The following CDCA2 variants were observed in gnomAD, a reference collection of about 807,000 sequenced individuals.
CDCA2 encodes cell division cycle-associated protein 2.
CDCA2 carries 44 observed loss-of-function variants against 67.0 expected under a neutral mutation model. The ratio of observed to expected loss-of-function variants is 0.66; its 90% CI spans 0.52 to 0.84. The LOEUF is 0.84. Ranked by LOEUF, CDCA2 falls within the 40% of genes least tolerant of loss-of-function variation. The pLI, the probability that CDCA2 is intolerant of heterozygous loss-of-function variation, is 0.00. For synonymous variants in CDCA2, 447 were observed against 418.7 expected (o/e 1.07, Z -0.82); for missense variants, 1,253 against 1,203.2 (o/e 1.04, Z -0.61).
intron 13 of CDCA2, among the ~76,000 whole-genome samples, chr8:25,500,125 T>C (rs1250746191): frequency 6.6e-6 from 1 of 152,200 alleles, no homozygotes; most frequent in Non-Finnish European, 1.5e-5. Context: ...AAATTTTATG[T>C]AAGCTTAACT....
At chr8:25,475,131 CTG>C (rs1393537898) in intron 7 of CDCA2, among the ~76,000 whole-genome samples, 1 of 152,154 alleles carries the variant, frequency 6.6e-6, no homozygotes, top group Non-Finnish European at 1.5e-5. Flanking sequence ...AATCCAAACT[CTG>C]AAAATTTTTG....
chr8:25,483,351 T>A, intron 8 of CDCA2, 48 bp from the exon 9 acceptor site: 1 of 1,246,294 alleles, frequency 8.0e-7, no homozygotes, highest in Non-Finnish European at 1.1e-6. Context: ...TGATGACGTC[T>A]ATGTATTTCT....
At chr8:25,499,907 G>A (rs1451460404) in intron 13 of CDCA2, among the ~76,000 whole-genome samples, 5 of 152,134 alleles carry the variant, frequency 3.3e-5, no homozygotes, top group Non-Finnish European at 7.4e-5. Context: ...TTTGTACTGT[G>A]GTGAATTCAG....
chr8:25,489,036 A>G (rs148041282), intron 13 of CDCA2, among the ~76,000 whole-genome samples: 1 of 152,074 alleles, frequency 6.6e-6, no homozygotes, highest in African/African-American at 2.4e-5. Flanking sequence ...GCCGCTTGCT[A>G]CTTCTTAGAT....
At chr8:25,472,476 C>T (rs1384282196) in intron 7 of CDCA2, among the ~76,000 whole-genome samples, 6 of 152,080 alleles carry the variant, frequency 3.9e-5, no homozygotes, top group Admixed American at 3.9e-4. Context: ...ATCTTGAACT[C>T]CTGACCTCAG....
At chr8:25,493,637 A>G (rs1306207093) in intron 13 of CDCA2, among the ~76,000 whole-genome samples, 6 of 152,246 alleles carry the variant, frequency 3.9e-5, no homozygotes, top group Non-Finnish European at 7.3e-5. Flanking sequence ...TGAAATGAAA[A>G]TGACCTTCAG....
intron 7 of CDCA2, among the ~76,000 whole-genome samples, chr8:25,471,566 C>G (rs1803156462): frequency 6.6e-6 from 1 of 152,014 alleles, no homozygotes; most frequent in South Asian, 2.1e-4. Context: ...GTTTCACCAT[C>G]TTGGCCAGGC....
Position 25,507,300 on chromosome 8 carries a change from G to A in CDCA2, c.2634G>A (p.Glu878=). The A allele has an allele frequency of 1.9e-6, 3 of 1,614,168 alleles. No individual in the cohort carries two copies. Among genetic ancestry groups the A allele is most frequent in the Non-Finnish European group, 2.5e-6 (3 of 1,180,030 alleles). ...TTAAAGATTTGTCTGATGCCATTGA[G>A]CAAACCTTTCAGAGGAGAAATAGTG... is the stretch of plus-strand genomic sequence containing the variant. ...ELFKDLSDAI[E]QTFQRRNSET... Residue 878 remains glutamate (E), a synonymous_variant, in exon 15 of 15, where the codon GAG becomes GAA. Coordinates refer to ENST00000330560, the MANE Select transcript of CDCA2 (RefSeq NM_152562.4).
intron 7 of CDCA2, among the ~76,000 whole-genome samples, chr8:25,477,179 A>G (rs1162214274): frequency 2.0e-5 from 3 of 152,184 alleles, no homozygotes; most frequent in Non-Finnish European, 1.5e-5. Flanking sequence ...GACTCAACAC[A>G]TTCCTTTCCT....
Position 25,483,452 on chromosome 8 carries a change from A to G in CDCA2, c.1086A>G (p.Ser362=), listed in dbSNP as rs776051762. 4.3e-6 allele frequency: 7 copies of G among 1,612,172 alleles called. No homozygotes were observed. Among genetic ancestry groups the G allele is most frequent in the Non-Finnish European group, 5.9e-6 (7 of 1,179,176 alleles). ...DDDGTHPSLI[S]NLPNCCKEKE... The stretch of plus-strand genomic sequence containing the variant: ...ATGGGACTCATCCGAGCTTAATCTC[A>G]AATCTCCCAAACTGTTGCAAAGAGA... Residue 362 remains serine (S), a synonymous_variant, in exon 9 of 15, where the codon TCA becomes TCG. Coordinates refer to ENST00000330560, the MANE Select transcript of CDCA2 (RefSeq NM_152562.4).
intron 13 of CDCA2, among the ~76,000 whole-genome samples, chr8:25,489,341 C>T (rs956114414): frequency 1.3e-5 from 2 of 152,208 alleles, no homozygotes; most frequent in African/African-American, 4.8e-5. Context: ...TATTCACTCT[C>T]TTACTCTGCA....
At chr8:25,487,727 G>A (rs377267724) in intron 12 of CDCA2, among the ~76,000 whole-genome samples, 33 of 152,094 alleles carry the variant, frequency 2.2e-4, no homozygotes, top group African/African-American at 7.5e-4. Context: ...TGGGCGGAGT[G>A]AGACTCCGTC....
At chr8:25,476,497 A>G (rs149789453) in intron 7 of CDCA2, among the ~76,000 whole-genome samples, 1,677 of 151,284 alleles carry the variant, frequency 0.011, 15 homozygotes, top group Non-Finnish European at 0.017. Context: ...GTGTGTATCT[A>G]CCTTTGCTCC....
intron 7 of CDCA2, among the ~76,000 whole-genome samples, chr8:25,478,670 CCAGGTACATCTTTACCT>C (rs1458788607): frequency 6.6e-6 from 1 of 152,104 alleles, no homozygotes; most frequent in Non-Finnish European, 1.5e-5. Flanking sequence ...CTCTGCTATG[CCAGGTACATCTTTACCT>C]CAGGTCTTTG....
intron 13 of CDCA2, among the ~76,000 whole-genome samples, chr8:25,488,977 A>G (rs921235475): frequency 6.6e-6 from 1 of 152,156 alleles, no homozygotes; most frequent in South Asian, 2.1e-4. Flanking sequence ...ATCTACCCCA[A>G]CATATTACCC....
intron 3 of CDCA2, among the ~76,000 whole-genome samples, chr8:25,461,386 T>C (rs1375433216): frequency 1.3e-5 from 2 of 151,818 alleles, no homozygotes; most frequent in African/African-American, 2.4e-5. Flanking sequence ...AAGGAAATAC[T>C]ATATGAGAAT....
intron 13 of CDCA2, among the ~76,000 whole-genome samples, chr8:25,501,575 C>T (rs1246122092): frequency 6.6e-6 from 1 of 152,258 alleles, no homozygotes; most frequent in Non-Finnish European, 1.5e-5. Context: ...ATGGCATTCC[C>T]TTCTCTTTGA....
rs1177783628 is a variant in CDCA2 at position 25,484,210 on chromosome 8, T to C, written c.1365T>C (p.Leu455=). ...QPDFDDKGEN[L]ENIEPLQVSF... is the part of the protein sequence containing the mutation. ...ATTTTGATGACAAGGGGGAGAATCT[T>C]GTAAGTATGAAAAGCGTGGAACAAG... The change falls in exon 10 of 15, where the codon CTT becomes CTC. Residue 455 remains leucine (L), a splice_region_variant and synonymous_variant. Transcript: ENST00000330560. 3 of 1,613,624 alleles carry C rather than the reference T, an allele frequency of 1.9e-6. No homozygotes were observed. The highest frequency in any genetic ancestry group is 1.3e-5 in the African/African-American group (1 of 75,060).
At chr8:25,464,274 G>T (rs1485760786) in intron 4 of CDCA2, among the ~76,000 whole-genome samples, 1 of 152,118 alleles carries the variant, frequency 6.6e-6, no homozygotes, top group African/African-American at 2.4e-5. Flanking sequence ...AAATTATCTG[G>T]GTGTGGTGGC....
Sources: allele counts gnomAD v4.1 joint callset (sites outside exome capture counted in the v4.1 genomes callset), GRCh38; gene constraint gnomAD v4.1.1; transcripts MANE v1.5; gene names NCBI Gene and HGNC (gene_info 2026-07-23, HGNC 2026-07-21).